TMPRSS4: variants seen among roughly 807,000 people sequenced by gnomAD.
TMPRSS4 encodes the protein transmembrane protease serine 4.
TMPRSS4 carries 45 observed loss-of-function variants against 56.4 expected under a neutral mutation model. The ratio of observed to expected loss-of-function variants is 0.80; its 90% confidence interval spans 0.63 to 1.02. The LOEUF is 1.02. Among genes scored for constraint, TMPRSS4 ranks in the 50% least tolerant of loss-of-function variants. The pLI is 0.00. For missense variants in TMPRSS4, 546 were observed against 556.7 expected, an observed-to-expected ratio of 0.98 and a Z score of 0.19; for synonymous variants, 205 against 211.0, an observed-to-expected ratio of 0.97 and a Z score of 0.25.
At chr11:118,125,086 C>G (rs1947862156), downstream of TMPRSS4, among the ~76,000 whole-genome samples, 1 of 152,234 alleles carries the variant, frequency 6.6e-6, no homozygotes. Context: ...GGTTGGGTGG[C>G]CTTCGTTGCA....
chr11:118,122,452 A>G (rs375519343), downstream of TMPRSS4, among the ~76,000 whole-genome samples: 24 of 152,384 alleles, frequency 1.6e-4, no homozygotes, highest in South Asian at 5.0e-3. Flanking sequence ...GGGTCACTAC[A>G]TAATCACGAA....
chr11:118,123,616 G>T (rs915149688), downstream of TMPRSS4, among the ~76,000 whole-genome samples: 2 of 152,130 alleles, frequency 1.3e-5, no homozygotes, highest in Non-Finnish European at 2.9e-5. Flanking sequence ...TCCGTCTCCT[G>T]GGTTCATGCC....
In TMPRSS4 at chr11:118,094,836, T is replaced by C. The variant is rs774057352; in HGVS notation, c.24T>C (p.Asp8=). Residue 8 remains aspartate, a synonymous_variant, in exon 2 of 13, where the codon GAT becomes GAC. Transcript: ENST00000437212. MLQDPDS[D]QPLNSLDVKP... is the part of the protein sequence containing the mutation. The stretch of plus-strand genomic sequence containing the variant: ...TTCAATTACAGGATCCTGACAGTGA[T>C]CAACCTCTGAACAGCCTCGGTAAGT... 5.0e-6 allele frequency: 8 copies of C among 1,612,294 alleles called. No homozygotes were observed. Among genetic ancestry groups the C allele is most frequent in the Non-Finnish European group, 5.1e-6 (6 of 1,179,408 alleles).
chr11:118,082,083 T>TC (rs1945178638), intron 1 of TMPRSS4, among the ~76,000 whole-genome samples: 1 of 152,170 alleles, frequency 6.6e-6, no homozygotes, highest in South Asian at 2.1e-4. Context: ...GGAGAACCTG[T>TC]CCGGACACGT....
chr11:118,092,456 T>A (rs115586859), intron 1 of TMPRSS4, among the ~76,000 whole-genome samples: 1 of 152,206 alleles, frequency 6.6e-6, no homozygotes, highest in African/African-American at 2.4e-5. Flanking sequence ...GCTCAGTCAG[T>A]TCCTGGGCGG....
chr11:118,123,676 C>G (rs939146135), downstream of TMPRSS4, among the ~76,000 whole-genome samples: 1 of 152,184 alleles, frequency 6.6e-6, no homozygotes, highest in Non-Finnish European at 1.5e-5. Context: ...GCGCCCGCCA[C>G]TACGCCTGGC....
chr11:118,083,484 G>A (rs968339698), intron 1 of TMPRSS4, among the ~76,000 whole-genome samples: 2 of 152,068 alleles, frequency 1.3e-5, no homozygotes, highest in South Asian at 2.1e-4. Context: ...CATAAAAGTC[G>A]CTCTTTGCTC....
chr11:118,109,001 T>A, intron 7 of TMPRSS4, 105 bp downstream of exon 7: 1 of 1,336,262 alleles, frequency 7.5e-7, no homozygotes. Flanking sequence ...AGTTTCATTC[T>A]GCCTTGGTCT....
At chr11:118,112,004 C>T (rs1029927291) in intron 8 of TMPRSS4, 104 bp downstream of exon 8, 13 of 1,469,928 alleles carry the variant, frequency 8.8e-6, no homozygotes, top group Non-Finnish European at 1.2e-5. Flanking sequence ...CACTCTCCCA[C>T]TAGAGACGTT....
intron 1 of TMPRSS4, chr11:118,086,667 C>A (rs1049291577): frequency 1.2e-4 from 19 of 152,978 alleles, no homozygotes; most frequent in African/African-American, 4.3e-4. Context: ...TGGGCTGCTG[C>A]ATCACCACCA....
At chr11:118,077,985 C>A (rs1944798168) in intron 1 of TMPRSS4, among the ~76,000 whole-genome samples, 1 of 126,402 alleles carries the variant, frequency 7.9e-6, no homozygotes, top group African/African-American at 3.1e-5. Context: ...TGCACTCCAA[C>A]CTGGGCAACA....
intron 1 of TMPRSS4, 131 bp from the exon 2 acceptor site, chr11:118,094,685 G>T: frequency 1.3e-6 from 1 of 748,848 alleles, no homozygotes; most frequent in Non-Finnish European, 2.3e-6. Flanking sequence ...CCAGGTATTT[G>T]GATAACACAG....
At chr11:118,090,915 C>T (rs1453558871) in intron 1 of TMPRSS4, among the ~76,000 whole-genome samples, 2 of 152,144 alleles carry the variant, frequency 1.3e-5, no homozygotes, top group Non-Finnish European at 2.9e-5. Context: ...ATATAAGCCT[C>T]CTTTGTGCCT....
At chr11:118,083,172 G>T (rs552708049) in intron 1 of TMPRSS4, among the ~76,000 whole-genome samples, 55 of 152,318 alleles carry the variant, frequency 3.6e-4, no homozygotes, top group African/African-American at 1.2e-3. Context: ...TCACACATCT[G>T]TTTCTAGAAG....
At chr11:118,091,274 C>T (rs919821200) in intron 1 of TMPRSS4, among the ~76,000 whole-genome samples, 1 of 152,140 alleles carries the variant, frequency 6.6e-6, no homozygotes, top group Non-Finnish European at 1.5e-5. Context: ...CCAGCCATGC[C>T]CATCTCTATT....
chr11:118,081,641 A>T (rs996317084), intron 1 of TMPRSS4, among the ~76,000 whole-genome samples: 7 of 152,224 alleles, frequency 4.6e-5, no homozygotes, highest in Non-Finnish European at 7.3e-5. Context: ...GTCTCCTGTC[A>T]CAAAATGTCC....
At chr11:118,085,580 T>G (rs1945484608) in intron 1 of TMPRSS4, among the ~76,000 whole-genome samples, 1 of 152,206 alleles carries the variant, frequency 6.6e-6, no homozygotes, top group Non-Finnish European at 1.5e-5. Context: ...ACTCTGTCTT[T>G]GAACCTTTTT....
chr11:118,081,736 C>T (rs1945155506), intron 1 of TMPRSS4, among the ~76,000 whole-genome samples: 1 of 147,216 alleles, frequency 6.8e-6, no homozygotes, highest in African/African-American at 2.5e-5. Context: ...TCAGTTTCTT[C>T]CTCTAAATCT....
At position 118,118,394 on chromosome 11, in the gene TMPRSS4, A is replaced by G. The variant is rs1436643411; in HGVS notation, c.*481A>G. On this transcript the variant is annotated 3_prime_UTR_variant, in exon 13 of 13. Coordinates refer to ENST00000437212, the MANE Select transcript of TMPRSS4 (RefSeq NM_019894.4). ...ACTGTTGGTATGACTACCGTTACCT[A>G]CTGTTGTCATTGTTATTACAGCTAT... is the stretch of plus-strand genomic sequence containing the variant. 1 of 997,184 alleles carries G rather than the reference A, an allele frequency of 1.0e-6. No homozygotes were observed. The highest frequency in any genetic ancestry group is 1.2e-6 in the Non-Finnish European group (1 of 838,160). The allele number at this position is 997,184 out of a possible 1,614,324, so 61.8% of individuals were successfully genotyped here. A position where few individuals can be genotyped will look rare whatever the true frequency, so the allele number is the denominator to read the frequency against.
Sources: gnomAD v4.1 joint callset for allele counts (sites outside exome capture counted in the v4.1 genomes callset) on GRCh38, gnomAD v4.1.1 for gene constraint, MANE v1.5 for transcripts, NCBI Gene and HGNC (gene_info 2026-07-23, HGNC 2026-07-21) for gene names.